TENM1: variants seen among roughly 807,000 people sequenced by gnomAD.
The protein encoded by TENM1 is teneurin transmembrane protein 1.
Under a neutral mutation model 174.8 loss-of-function variants are expected in TENM1, and 35 were observed. That is an observed-to-expected ratio of 0.20 (90% CI 0.15 to 0.27). TENM1 has a LOEUF of 0.27. Among genes scored for constraint, TENM1 ranks in the 10% least tolerant of loss-of-function variants. The probability of loss-of-function intolerance (pLI) is 1.00; values close to 1 mark genes in which losing one functional copy is unlikely to be tolerated. For missense variants in TENM1, 1,633 were observed against 2,130.1 expected, an observed-to-expected ratio of 0.77 and a Z score of 4.59; for synonymous variants, 781 against 798.7, an observed-to-expected ratio of 0.98 and a Z score of 0.37.
At chrX:124,578,852 T>A (rs2049233756) in intron 11 of TENM1, among the ~76,000 whole-genome samples, 1 of 111,936 alleles carries the variant, frequency 8.9e-6, no homozygotes, top group South Asian at 3.7e-4. Context: ...CTTTCCAATA[T>A]TTTCCCAAAA....
At chrX:124,581,448 C>T (rs2049308273) in intron 11 of TENM1, among the ~76,000 whole-genome samples, 1 of 74 alleles carries the variant, frequency 0.014, no homozygotes, top group Admixed American at 0.17. Flanking sequence ...CATTGATAGG[C>T]ATCTAAGTGA....
chrX:124,588,314 G>A (rs1416882073), intron 11 of TENM1, among the ~76,000 whole-genome samples: 1 of 111,268 alleles, frequency 9.0e-6, no homozygotes, highest in Non-Finnish European at 1.9e-5. Context: ...ATGATAGACT[G>A]GATTAAAAAA....
the TENM1 span, among the ~76,000 whole-genome samples, chrX:125,050,011 T>C: frequency 1.2e-4 from 13 of 109,883 alleles, no homozygotes; most frequent in African/African-American, 3.6e-4. Context: ...TTATTAATAA[T>C]AGAAAGTTTA....
chrX:124,561,589 T>C (rs2148161339), intron 14 of TENM1, 82 bp downstream of exon 17: 1 of 1,103,419 alleles, frequency 9.1e-7, no homozygotes, highest in Non-Finnish European at 1.2e-6. Flanking sequence ...ATTCCTAATT[T>C]TCACCCTTGG....
intron 1 of TENM1, among the ~76,000 whole-genome samples, chrX:124,916,971 G>C (rs947617192): frequency 2.7e-5 from 3 of 111,659 alleles, no homozygotes; most frequent in African/African-American, 9.8e-5. Flanking sequence ...AACAAACCAA[G>C]AATGGACCAA....
At chrX:124,755,815 C>A (rs1467920052) in intron 3 of TENM1, among the ~76,000 whole-genome samples, 2 of 108,808 alleles carry the variant, frequency 1.8e-5, no homozygotes, top group Non-Finnish European at 3.8e-5. Flanking sequence ...TGAATATTGG[C>A]TCCCGCTCTC....
chrX:124,390,882 TTTGC>T (rs1225761054), intron 28 of TENM1, among the ~76,000 whole-genome samples: 1 of 111,803 alleles, frequency 8.9e-6, no homozygotes, highest in African/African-American at 3.2e-5. Context: ...AGATTCAGAT[TTTGC>T]CAGTGTAGAG....
At chrX:124,743,107 G>A (rs1253473283) in intron 3 of TENM1, among the ~76,000 whole-genome samples, 7 of 111,322 alleles carry the variant, frequency 6.3e-5, no homozygotes, top group Non-Finnish European at 1.1e-4. Flanking sequence ...TGCATGTTAC[G>A]GCTAATATCC....
intron 3 of TENM1, among the ~76,000 whole-genome samples, chrX:124,890,337 C>A (rs754706539): frequency 9.0e-6 from 1 of 111,493 alleles, no homozygotes; most frequent in Admixed American, 9.6e-5. Flanking sequence ...GTACCCTAAT[C>A]ACTGAGGTTG....
chrX:124,482,857 T>A lies in TENM1; in HGVS notation c.3717-893A>T, dbSNP rs138022681. ...GTTTTGGAGACATTTTACTTGAACC[T>A]AAGGTTTGTGTAATACTGACATCAT... On this transcript the variant is annotated intron_variant, in intron 21 of 31. Coordinates refer to ENST00000422452, the Ensembl canonical transcript of TENM1. 5.6e-4 allele frequency among the ~76,000 whole-genome samples: 63 copies of A among 112,242 alleles called. No homozygotes were observed. The East Asian group carries it at 0.013, about 24-fold the overall frequency.
intron 3 of TENM1, among the ~76,000 whole-genome samples, chrX:124,877,979 A>G (rs1003399103): frequency 8.9e-6 from 1 of 111,790 alleles, no homozygotes; most frequent in Non-Finnish European, 1.9e-5. Context: ...GTGGAAGTGA[A>G]TCATCATAAA....
At chrX:124,675,947 G>C (rs1360610441) in intron 5 of TENM1, among the ~76,000 whole-genome samples, 1 of 107,213 alleles carries the variant, frequency 9.3e-6, no homozygotes, top group African/African-American at 3.4e-5. Flanking sequence ...AGAATTTATA[G>C]AAAGCCCTGA....
chrX:124,863,307 C>A (rs1390560633), intron 3 of TENM1, among the ~76,000 whole-genome samples: 1 of 110,268 alleles, frequency 9.1e-6, no homozygotes, highest in Non-Finnish European at 1.9e-5. Context: ...GAACACCAAG[C>A]GGGCTCTTGG....
intron 3 of TENM1, among the ~76,000 whole-genome samples, chrX:124,774,764 C>G (rs757353024): frequency 1.8e-5 from 2 of 111,166 alleles, no homozygotes; most frequent in Non-Finnish European, 3.8e-5. Context: ...GATGGAGGAC[C>G]CCTATAATGG....
chrX:125,148,569 C>CAA, the TENM1 span, among the ~76,000 whole-genome samples: 1 of 111,894 alleles, frequency 8.9e-6, no homozygotes, highest in Non-Finnish European at 1.9e-5. Context: ...TGATGACCCT[C>CAA]AAGTCTGTCT....
intron 1 of TENM1, among the ~76,000 whole-genome samples, chrX:124,921,547 T>G (rs1164240750): frequency 8.9e-6 from 1 of 111,917 alleles, no homozygotes; most frequent in Non-Finnish European, 1.9e-5. Flanking sequence ...AATGTACCAT[T>G]AATTATTTAA....
chrX:124,838,808 T>C (rs1305974716), intron 3 of TENM1, among the ~76,000 whole-genome samples: 2 of 111,111 alleles, frequency 1.8e-5, no homozygotes, highest in African/African-American at 3.3e-5. Context: ...AACACACATA[T>C]ATACACACAT....
intron 1 of TENM1, among the ~76,000 whole-genome samples, chrX:124,958,777 T>C (rs2058613984): frequency 9.0e-6 from 1 of 111,479 alleles, no homozygotes; most frequent in South Asian, 3.8e-4. Flanking sequence ...TCATCAGGTG[T>C]TTATGAGGAG....
chrX:124,959,293 G>A (rs965359867), intron 1 of TENM1, among the ~76,000 whole-genome samples: 3 of 111,324 alleles, frequency 2.7e-5, no homozygotes, highest in Non-Finnish European at 5.7e-5. Flanking sequence ...TCCCTCCTAG[G>A]TGTCTCTACT....
Sources: gnomAD v4.1 joint callset for allele counts (sites outside exome capture counted in the v4.1 genomes callset) on GRCh38, gnomAD v4.1.1 for gene constraint, MANE v1.5 for transcripts, NCBI Gene and HGNC (gene_info 2026-07-23, HGNC 2026-07-21) for gene names.